RBMS1: variants seen among roughly 807,000 people sequenced by gnomAD.
The protein encoded by RBMS1 is RNA binding motif single stranded interacting protein 1.
RBMS1 carries 17 observed loss-of-function variants against 62.3 expected under a neutral mutation model. The ratio of observed to expected loss-of-function variants is 0.27; its 90% CI spans 0.19 to 0.41. RBMS1 has a LOEUF of 0.41. RBMS1 is among the 10% of genes least tolerant of loss of function. The pLI is 1.00. For missense variants in RBMS1, 334 were observed against 504.5 expected, an observed-to-expected ratio of 0.66 and a Z score of 3.24; for synonymous variants, 172 against 170.0, an observed-to-expected ratio of 1.01 and a Z score of -0.09.
rs140735158 is a variant in RBMS1, at chr2:160,454,153, G to A, written c.75+39136C>T. On this transcript the variant is annotated intron_variant, in intron 1 of 13. Coordinates refer to ENST00000348849, the MANE Select transcript of RBMS1 (RefSeq NM_016836.4). ...CTCAATAAATGTCTGTGTTGTTACT[G>A]TTCAAATTAAGATAATCATATAATG... Among the ~76,000 whole-genome samples, 13 of 152,294 alleles carry A rather than the reference G, an allele frequency of 8.5e-5. No individual in the cohort carries two copies. The South Asian group carries it at 1.0e-3, about 12-fold the overall frequency.
chr2:160,375,135 C>T (rs1693929976), intron 1 of RBMS1, among the ~76,000 whole-genome samples: 1 of 152,128 alleles, frequency 6.6e-6, no homozygotes, highest in African/African-American at 2.4e-5. Context: ...CTGGACAGTG[C>T]CATCTCCAGA....
intron 1 of RBMS1, among the ~76,000 whole-genome samples, chr2:160,376,667 G>T (rs1694016616): frequency 6.6e-6 from 1 of 150,788 alleles, no homozygotes; most frequent in South Asian, 2.1e-4. Flanking sequence ...ACAGAGTCTC[G>T]CTCTGCCTCA....
intron 2 of RBMS1, among the ~76,000 whole-genome samples, chr2:160,357,266 C>T (rs56269844): frequency 0.055 from 8,310 of 152,080 alleles, 362 homozygotes; most frequent in African/African-American, 0.12. Context: ...TGCCGGCTCC[C>T]CAATTAACTT....
chr2:160,374,855 A>G (rs1262292287), intron 1 of RBMS1, among the ~76,000 whole-genome samples: 1 of 151,582 alleles, frequency 6.6e-6, no homozygotes, highest in Non-Finnish European at 1.5e-5. Flanking sequence ...ATCTGAACCC[A>G]GGAGGCAGAG....
intron 2 of RBMS1, among the ~76,000 whole-genome samples, chr2:160,350,600 G>C (rs2106004920): frequency 6.6e-6 from 1 of 152,236 alleles, no homozygotes; most frequent in Non-Finnish European, 1.5e-5. Flanking sequence ...AACAACAATG[G>C]CATGATGAAC....
At chr2:160,407,725 C>T (rs1326836550) in intron 1 of RBMS1, 22 of 981,410 alleles carry the variant, frequency 2.2e-5, no homozygotes, top group Non-Finnish European at 2.2e-5. Context: ...TCGACCTCCG[C>T]ACTCGCCTAA....
At chr2:160,406,607 A>G (rs918357896) in intron 1 of RBMS1, among the ~76,000 whole-genome samples, 5 of 152,256 alleles carry the variant, frequency 3.3e-5, no homozygotes, top group Non-Finnish European at 5.9e-5. Flanking sequence ...TTTTCTAAAC[A>G]GACTTGCACA....
chr2:160,469,173 G>A (rs1399288910), intron 1 of RBMS1, among the ~76,000 whole-genome samples: 1 of 152,190 alleles, frequency 6.6e-6, no homozygotes, highest in Non-Finnish European at 1.5e-5. Flanking sequence ...ATACAAATTA[G>A]ACATATCATA....
At chr2:160,337,374 T>C (rs1257060676) in intron 2 of RBMS1, among the ~76,000 whole-genome samples, 1 of 152,092 alleles carries the variant, frequency 6.6e-6, no homozygotes, top group African/African-American at 2.4e-5. Context: ...CCTCAAGTGA[T>C]CCGCCCCACT....
At chr2:160,457,572 G>A (rs980932564) in intron 1 of RBMS1, among the ~76,000 whole-genome samples, 2 of 152,168 alleles carry the variant, frequency 1.3e-5, no homozygotes, top group African/African-American at 4.8e-5. Context: ...CAGAACTAAT[G>A]GCTTCAAGAA....
chr2:160,392,920 A>G (rs772645963), intron 1 of RBMS1, among the ~76,000 whole-genome samples: 2 of 152,112 alleles, frequency 1.3e-5, no homozygotes, highest in Non-Finnish European at 2.9e-5. Flanking sequence ...AGAGAGAGAA[A>G]GGACCTCTTA....
intron 3 of RBMS1, among the ~76,000 whole-genome samples, chr2:160,314,019 C>T (rs992294998): frequency 3.9e-5 from 6 of 152,084 alleles, no homozygotes; most frequent in Admixed American, 1.3e-4. Flanking sequence ...TCCCAGGCCA[C>T]AACAAGTCAA....
Position 160,275,622 on chromosome 2 carries a change from C to A in RBMS1, c.*7+8G>T. On this transcript the variant is annotated splice_region_variant and intron_variant, in intron 13 of 13. Transcript: ENST00000348849. ...AGCCCCCCAGTTATGAAGACCTTTC[C>A]CTCATACCTCACAGTTACTTATTAG... 6.2e-7 allele frequency: 1 copy of A among 1,612,836 alleles called. No homozygotes were observed. Among genetic ancestry groups the A allele is most frequent in the Non-Finnish European group, 8.5e-7 (1 of 1,179,132 alleles).
chr2:160,365,938 C>G (rs913606130), intron 2 of RBMS1, among the ~76,000 whole-genome samples: 1 of 152,210 alleles, frequency 6.6e-6, no homozygotes, highest in African/African-American at 2.4e-5. Context: ...TGACAAACCC[C>G]AAGAGCTGGG....
intron 1 of RBMS1, among the ~76,000 whole-genome samples, chr2:160,380,614 ACAGTTTAAATCTTAGAG>A: frequency 6.6e-6 from 1 of 152,374 alleles, no homozygotes; most frequent in South Asian, 2.1e-4. Flanking sequence ...TTCGGATCTA[ACAGTTTAAATCTTAGAG>A]CAGAGCAAAA....
chr2:160,345,017 C>T (rs902117526), intron 2 of RBMS1, among the ~76,000 whole-genome samples: 3 of 152,096 alleles, frequency 2.0e-5, no homozygotes, highest in African/African-American at 7.2e-5. Context: ...GTATCTCCTA[C>T]AAATAAGCTT....
At chr2:160,400,802 A>G (rs549326167) in intron 1 of RBMS1, among the ~76,000 whole-genome samples, 1 of 152,294 alleles carries the variant, frequency 6.6e-6, no homozygotes. Context: ...GATTTCTAAA[A>G]AGGTAGGACA....
chr2:160,295,669 AAT>A (rs1688897879), intron 6 of RBMS1, among the ~76,000 whole-genome samples: 1 of 152,236 alleles, frequency 6.6e-6, no homozygotes. Context: ...GGATGTGACC[AAT>A]AGTCTGCAAA....
At chr2:160,417,605 T>C (rs141377363) in intron 1 of RBMS1, among the ~76,000 whole-genome samples, 6 of 152,194 alleles carry the variant, frequency 3.9e-5, no homozygotes, top group Non-Finnish European at 8.8e-5. Context: ...GAGATGTTAA[T>C]TGACATTTGA....
Sources: allele counts gnomAD v4.1 joint callset (sites outside exome capture counted in the v4.1 genomes callset), GRCh38; gene constraint gnomAD v4.1.1; transcripts MANE v1.5; gene names NCBI Gene and HGNC (gene_info 2026-07-23, HGNC 2026-07-21).